Variants in ERBB4 observed in about 807,000 individuals in gnomAD.
ERBB4 encodes the protein receptor tyrosine-protein kinase erbB-4.
Under a neutral mutation model 158.0 loss-of-function variants are expected in ERBB4, and 42 were observed. The ratio of observed to expected loss-of-function variants is 0.27; its 90% CI spans 0.21 to 0.34. ERBB4 has a LOEUF of 0.34. Among genes scored for constraint, ERBB4 ranks in the 10% least tolerant of loss-of-function variants. The pLI is 1.00. For synonymous variants in ERBB4, 583 were observed against 558.7 expected, an observed-to-expected ratio of 1.04 and a Z score of -0.61; for missense variants, 1,333 against 1,624.1, an observed-to-expected ratio of 0.82 and a Z score of 3.08.
intron 1 of ERBB4, among the ~76,000 whole-genome samples, chr2:212,248,005 A>G (rs1192677377): frequency 7.2e-5 from 11 of 152,156 alleles, no homozygotes; most frequent in Non-Finnish European, 1.3e-4. Flanking sequence ...TTTTAAAGCA[A>G]ATTATCTACA....
chr2:212,170,504 T>C (rs1186386916), intron 1 of ERBB4, among the ~76,000 whole-genome samples: 2 of 152,148 alleles, frequency 1.3e-5, no homozygotes, highest in East Asian at 3.9e-4. Flanking sequence ...GCCAAGACAA[T>C]GGGGAAAATG....
intron 20 of ERBB4, among the ~76,000 whole-genome samples, chr2:211,543,977 A>C (rs958010175): frequency 3.9e-5 from 6 of 152,032 alleles, no homozygotes; most frequent in African/African-American, 1.4e-4. Flanking sequence ...GAGAATATGC[A>C]TGGAGAGACT....
intron 7 of ERBB4, among the ~76,000 whole-genome samples, chr2:211,721,003 C>T (rs1244050764): frequency 6.6e-6 from 1 of 152,172 alleles, no homozygotes; most frequent in Admixed American, 6.5e-5. Flanking sequence ...GTGTGTCTGG[C>T]CTGCACACGT....
chr2:211,879,648 AT>A (rs2078608177), intron 3 of ERBB4, among the ~76,000 whole-genome samples: 1 of 152,130 alleles, frequency 6.6e-6, no homozygotes, highest in Admixed American at 6.6e-5. Flanking sequence ...CCCTTTTAAG[AT>A]TTAGCCTAAT....
intron 20 of ERBB4, among the ~76,000 whole-genome samples, chr2:211,443,756 C>A (rs1432411714): frequency 6.6e-6 from 1 of 152,008 alleles, no homozygotes; most frequent in East Asian, 1.9e-4. Flanking sequence ...GTTACTCAGT[C>A]TGCCAATATC....
intron 1 of ERBB4, among the ~76,000 whole-genome samples, chr2:212,185,102 C>T (rs2081981446): frequency 6.6e-6 from 1 of 150,482 alleles, no homozygotes. Flanking sequence ...CTCACTGCAA[C>T]CTACGCTTCC....
chr2:211,617,725 C>G (rs1477966807), intron 19 of ERBB4, among the ~76,000 whole-genome samples: 2 of 151,924 alleles, frequency 1.3e-5, no homozygotes, highest in African/African-American at 4.8e-5. Flanking sequence ...AAAGACAGCT[C>G]CTGTAAAACT....
intron 5 of ERBB4, among the ~76,000 whole-genome samples, chr2:211,746,560 G>A (rs1233121318): frequency 6.6e-6 from 1 of 152,158 alleles, no homozygotes; most frequent in Non-Finnish European, 1.5e-5. Context: ...TGGGTGCACT[G>A]GCTCACACCT....
intron 20 of ERBB4, among the ~76,000 whole-genome samples, chr2:211,546,492 T>A (rs1415295685): frequency 6.6e-6 from 1 of 152,142 alleles, no homozygotes; most frequent in Non-Finnish European, 1.5e-5. Context: ...CCTGTATTCA[T>A]TATTAACCTA....
At chr2:212,384,920 T>TATATATATATATATATAC (rs764463489) in intron 1 of ERBB4, among the ~76,000 whole-genome samples, 10 of 123,760 alleles carry the variant, frequency 8.1e-5, no homozygotes, top group South Asian at 5.4e-4. Flanking sequence ...TATATATATA[T>TATATATATATATATATAC]ACACACACAC....
chr2:212,046,276 T>G (rs2077260047), intron 2 of ERBB4, among the ~76,000 whole-genome samples: 1 of 152,164 alleles, frequency 6.6e-6, no homozygotes, highest in Non-Finnish European at 1.5e-5. Flanking sequence ...GAGAATAAAC[T>G]AATCCCTTCA....
chr2:212,194,390 A>G (rs1284817286), intron 1 of ERBB4, among the ~76,000 whole-genome samples: 1 of 151,930 alleles, frequency 6.6e-6, no homozygotes, highest in Non-Finnish European at 1.5e-5. Context: ...GTTTCATGAA[A>G]GTAAAAACCA....
Position 211,575,785 on chromosome 2 carries a change from C to T in ERBB4, c.2302-13697G>A, listed in dbSNP as rs533978693. ...AAGGAGCAGGCAGGACTGTGTCATT[C>T]TGACTCTTCCAAGATAAAACAGTGA... On this transcript the variant is annotated intron_variant, in intron 19 of 27. Coordinates refer to ENST00000342788, the MANE Select transcript of ERBB4 (RefSeq NM_005235.3). 4.6e-5 allele frequency among the ~76,000 whole-genome samples: 7 copies of T among 152,278 alleles called. No homozygotes were observed. The South Asian group carries it at 1.2e-3, about 27-fold the overall frequency.
intron 2 of ERBB4, among the ~76,000 whole-genome samples, chr2:212,056,620 T>C (rs549588826): frequency 6.6e-6 from 1 of 152,294 alleles, no homozygotes; most frequent in South Asian, 2.1e-4. Context: ...TGGAGACCAA[T>C]ATTCAACATT....
intron 1 of ERBB4, among the ~76,000 whole-genome samples, chr2:212,271,065 A>G (rs2085324332): frequency 6.6e-6 from 1 of 151,840 alleles, no homozygotes; most frequent in Non-Finnish European, 1.5e-5. Flanking sequence ...TTATCTCCAT[A>G]TTCTAGTATC....
chr2:212,190,648 T>C (rs955887316), intron 1 of ERBB4, among the ~76,000 whole-genome samples: 2 of 152,158 alleles, frequency 1.3e-5, no homozygotes, highest in African/African-American at 4.8e-5. Flanking sequence ...GCAGTGAATG[T>C]TGCAGCCCTT....
chr2:211,585,245 G>C (rs913249546), intron 19 of ERBB4, among the ~76,000 whole-genome samples: 1 of 151,430 alleles, frequency 6.6e-6, no homozygotes, highest in African/African-American at 2.4e-5. Flanking sequence ...CCAGCTACTC[G>C]GGAGACTGAG....
At chr2:211,519,250 C>G (rs1423574894) in intron 20 of ERBB4, among the ~76,000 whole-genome samples, 5 of 152,002 alleles carry the variant, frequency 3.3e-5, no homozygotes, top group Non-Finnish European at 7.4e-5. Flanking sequence ...AATATTTTTG[C>G]ATTATTTAAG....
chr2:211,849,993 C>T (rs2077679530), intron 3 of ERBB4, among the ~76,000 whole-genome samples: 1 of 151,846 alleles, frequency 6.6e-6, no homozygotes. Context: ...CAGAATTGAC[C>T]AAACTGTTTT....
Sources: gnomAD v4.1 joint callset for allele counts (sites outside exome capture counted in the v4.1 genomes callset) on GRCh38, gnomAD v4.1.1 for gene constraint, MANE v1.5 for transcripts, NCBI Gene and HGNC (gene_info 2026-07-23, HGNC 2026-07-21) for gene names.